Variants in COL19A1 observed in about 807,000 individuals in gnomAD.
COL19A1 encodes collagen type XIX alpha 1 chain.
Under a neutral mutation model 190.2 loss-of-function variants are expected in COL19A1, and 159 were observed. The ratio of observed to expected loss-of-function variants is 0.84; its 90% CI spans 0.73 to 0.95. The LOEUF (loss-of-function observed/expected upper bound fraction) is 0.95. Among genes scored for constraint, COL19A1 ranks in the 40% least tolerant of loss-of-function variants. COL19A1 has a pLI of 0.00. For missense variants in COL19A1, 1,418 were observed against 1,431.9 expected (o/e 0.99, Z 0.16); for synonymous variants, 509 against 458.9 (o/e 1.11, Z -1.39).
At chr6:70,165,575 C>T (rs999938838) in intron 36 of COL19A1, among the ~76,000 whole-genome samples, 6 of 152,132 alleles carry the variant, frequency 3.9e-5, no homozygotes, top group Non-Finnish European at 8.8e-5. Flanking sequence ...TGACTCAGAG[C>T]CACAATCCCA....
At chr6:70,119,193 A>G (rs748659054) in intron 16 of COL19A1, among the ~76,000 whole-genome samples, 16 of 152,158 alleles carry the variant, frequency 1.1e-4, no homozygotes, top group Admixed American at 1.3e-4. Context: ...CCCAACCTCT[A>G]CAAACAAAGA....
At chr6:70,083,933 AG>A (rs2150167271) in intron 15 of COL19A1, among the ~76,000 whole-genome samples, 1 of 152,302 alleles carries the variant, frequency 6.6e-6, no homozygotes, top group African/African-American at 2.4e-5. Flanking sequence ...TTTCTGAAAA[AG>A]TATTATAAGA....
intron 15 of COL19A1, among the ~76,000 whole-genome samples, chr6:70,070,899 T>G (rs566236113): frequency 6.6e-6 from 1 of 152,236 alleles, no homozygotes. Flanking sequence ...AAAATCATTT[T>G]TATTTACCCA....
At chr6:69,954,153 T>C (rs1774279741) in intron 9 of COL19A1, among the ~76,000 whole-genome samples, 2 of 152,002 alleles carry the variant, frequency 1.3e-5, no homozygotes, top group Non-Finnish European at 2.9e-5. Flanking sequence ...ATTATTAAAC[T>C]CAAAACACAT....
At position 70,208,717 on chromosome 6, in the gene COL19A1, C is replaced by G. The variant is rs1768029490; in HGVS notation, c.*1443C>G. Reference sequence around the variant, plus strand: ...AGGAGCAGTGCAGATTTCAATTTGGCTAAAACAGGATGATTGCTTTTGTCT... The same window carrying G: ...AGGAGCAGTGCAGATTTCAATTTGGGTAAAACAGGATGATTGCTTTTGTCT... On this transcript the variant is annotated 3_prime_UTR_variant, in exon 51 of 51. Coordinates refer to ENST00000620364, the MANE Select transcript of COL19A1 (RefSeq NM_001858.6). 1 of 152,568 alleles carries G rather than the reference C, an allele frequency of 6.6e-6. No homozygotes were observed. The highest frequency in any genetic ancestry group is 2.1e-4 in the South Asian group (1 of 4,822). The allele number at this position is 152,568 out of a possible 1,614,324, so 9.5% of individuals were successfully genotyped here.
At chr6:69,915,357 A>C (rs1056574086) in intron 4 of COL19A1, among the ~76,000 whole-genome samples, 9 of 152,328 alleles carry the variant, frequency 5.9e-5, no homozygotes, top group African/African-American at 2.2e-4. Flanking sequence ...TAGTGAATTA[A>C]TTTTAAAATT....
chr6:69,895,549 C>G (rs1179829263), intron 2 of COL19A1, among the ~76,000 whole-genome samples: 1 of 152,176 alleles, frequency 6.6e-6, no homozygotes, highest in Non-Finnish European at 1.5e-5. Context: ...CTGTCTAGGC[C>G]AGAGTCCCTG....
intron 12 of COL19A1, among the ~76,000 whole-genome samples, chr6:70,033,445 T>G (rs893500484): frequency 6.7e-6 from 1 of 149,774 alleles, no homozygotes; most frequent in Non-Finnish European, 1.5e-5. Flanking sequence ...AAAAAAGAAG[T>G]TTTTTTTTTC....
chr6:69,868,474 A>G (rs1277336038), intron 1 of COL19A1, among the ~76,000 whole-genome samples: 6 of 152,114 alleles, frequency 3.9e-5, no homozygotes. Context: ...TGCTCTCTCT[A>G]GGGGATAGAA....
Position 70,184,520 on chromosome 6 carries a change from CAG to C in COL19A1, c.2776-182_2776-181del, listed in dbSNP as rs75330547. Among the ~76,000 whole-genome samples, 33,684 of 151,992 alleles carry C rather than the reference CAG, an allele frequency of 0.22. 3,889 individuals carry two copies. The highest frequency in any genetic ancestry group is 0.26 in the Non-Finnish European group (17,452 of 67,920). On this transcript the variant is annotated intron_variant, in intron 44 of 50. Transcript: ENST00000620364. ...AAAGGTTAATGGGACTAGTAAGTGACAGTGTCAGAATCCGAACTCAGGACTGT... is the reference window on the plus strand; with the variant it reads ...AAAGGTTAATGGGACTAGTAAGTGACTGTCAGAATCCGAACTCAGGACTGT...
At chr6:70,050,430 AG>A (rs1232639454) in intron 14 of COL19A1, among the ~76,000 whole-genome samples, 6 of 152,070 alleles carry the variant, frequency 3.9e-5, no homozygotes, top group Non-Finnish European at 7.4e-5. Context: ...TTTTATAACC[AG>A]TGTAAACTTC....
In COL19A1 at chr6:70,176,077, T is replaced by C. The variant is rs191745385; in HGVS notation, c.2623-443T>C. Among the ~76,000 whole-genome samples the C allele has an allele frequency of 5.6e-3, 850 of 152,256 alleles. 13 individuals are homozygous for C. Among genetic ancestry groups the C allele is most frequent in the African/African-American group, 0.019 (805 of 41,534 alleles). On this transcript the variant is annotated intron_variant, in intron 41 of 50. Coordinates refer to ENST00000620364, the MANE Select transcript of COL19A1 (RefSeq NM_001858.6). ...CCAAATGAGAACTACAAATCATTAGTTGTAGATCATTTTATTCTAACTCTA... is the reference window on the plus strand; with the variant it reads ...CCAAATGAGAACTACAAATCATTAGCTGTAGATCATTTTATTCTAACTCTA...
intron 31 of COL19A1, among the ~76,000 whole-genome samples, 190 bp downstream of exon 31, chr6:70,151,628 C>T (rs1201105443): frequency 2.6e-5 from 4 of 152,058 alleles, no homozygotes; most frequent in Admixed American, 2.6e-4. Flanking sequence ...AATTCTTTCA[C>T]TCTCTTCTTC....
chr6:70,065,627 G>C (rs1204277558), intron 14 of COL19A1, among the ~76,000 whole-genome samples: 6 of 152,134 alleles, frequency 3.9e-5, no homozygotes, highest in Middle Eastern at 3.2e-3. Context: ...TTAAACTAAA[G>C]AGCTTCTGCA....
intron 17 of COL19A1, among the ~76,000 whole-genome samples, chr6:70,124,396 C>A (rs1307055773): frequency 6.6e-6 from 1 of 152,160 alleles, no homozygotes; most frequent in East Asian, 1.9e-4. Flanking sequence ...CCTTGCAAAA[C>A]TTTTAAAGCT....
intron 1 of COL19A1, among the ~76,000 whole-genome samples, chr6:69,870,635 G>A (rs1267216388): frequency 6.6e-6 from 1 of 152,178 alleles, no homozygotes; most frequent in African/African-American, 2.4e-5. Flanking sequence ...AGCCTTGAGT[G>A]CCTCACTTTG....
intron 34 of COL19A1, among the ~76,000 whole-genome samples, chr6:70,157,656 C>T (rs1042131837): frequency 7.9e-5 from 12 of 151,596 alleles, no homozygotes; most frequent in African/African-American, 2.7e-4. Flanking sequence ...AATTGAATAC[C>T]AAGTATATTC....
chr6:69,947,328 T>C (rs1773881064), intron 9 of COL19A1, among the ~76,000 whole-genome samples: 1 of 151,832 alleles, frequency 6.6e-6, no homozygotes, highest in Non-Finnish European at 1.5e-5. Context: ...TTTTTATGTT[T>C]TTCCTGTAAT....
intron 1 of COL19A1, among the ~76,000 whole-genome samples, chr6:69,869,368 T>A (rs1258803485): frequency 6.6e-6 from 1 of 152,186 alleles, no homozygotes; most frequent in Non-Finnish European, 1.5e-5. Flanking sequence ...AATAATCAGG[T>A]GAGCAAGTTG....
Sources: allele counts gnomAD v4.1 joint callset (sites outside exome capture counted in the v4.1 genomes callset), GRCh38; gene constraint gnomAD v4.1.1; transcripts MANE v1.5; gene names NCBI Gene and HGNC (gene_info 2026-07-23, HGNC 2026-07-21).